BTD: variants seen among roughly 807,000 people sequenced by gnomAD.
BTD encodes the protein biotinidase, also known as biocytinase.
Under a neutral mutation model 17.7 loss-of-function variants are expected in BTD, and 13 were observed. That is an observed-to-expected ratio of 0.74 (90% CI 0.48 to 1.17). The LOEUF (loss-of-function observed/expected upper bound fraction) is 1.17, where lower values mean the gene tolerates loss of function less well. BTD is among the 50% of genes most tolerant of loss of function. The pLI is 0.00. For missense variants in BTD, 674 were observed against 650.4 expected, an observed-to-expected ratio of 1.04 and a Z score of -0.39; for synonymous variants, 240 against 245.2, an observed-to-expected ratio of 0.98 and a Z score of 0.20.
At position 15,644,505 on chromosome 3, in the gene BTD, T is replaced by G. The variant is rs1415995349; in HGVS notation, c.589T>G (p.Phe197Val). The G allele has an allele frequency of 6.2e-7, 1 of 1,614,190 alleles. No homozygotes were observed. The highest frequency in any genetic ancestry group is 1.3e-5 in the African/African-American group (1 of 75,038). Residue 197 changes from phenylalanine to valine, a missense_variant, in exon 4 of 4, where the codon TTT becomes GTT. Physicochemically the swap from Phe to Val is conservative, Grantham distance 50 (BLOSUM62 -1). Coordinates refer to ENST00000643237, the MANE Select transcript of BTD (RefSeq NM_001370658.1). ...VDRYRKHNLY[F>V]EAAFDVPLKV... The stretch of plus-strand genomic sequence containing the variant: ...CCGCTACCGTAAACACAACCTCTAC[T>G]TTGAGGCAGCATTCGATGTTCCTCT...
intron 3 of BTD, chr3:15,670,612 G>C: frequency 1.3e-6 from 2 of 1,529,786 alleles, no homozygotes; most frequent in Non-Finnish European, 1.8e-6. Flanking sequence ...TTTCACCAAA[G>C]ACAAGGAAAT....
intron 3 of BTD, among the ~76,000 whole-genome samples, chr3:15,695,391 A>G (rs2069386345): frequency 6.6e-6 from 1 of 152,116 alleles, no homozygotes; most frequent in Non-Finnish European, 1.5e-5. Flanking sequence ...ATCTATATAC[A>G]TAGGTCTAAA....
exon 4 of BTD, chr3:15,712,257 T>C (rs1431436181): frequency 6.7e-7 from 1 of 1,487,038 alleles, no homozygotes; most frequent in South Asian, 1.2e-5. Context: ...ATCTTCATTT[T>C]AACACAAGAA....
Position 15,645,119 on chromosome 3 carries a change from C to T in BTD, c.1203C>T (p.Gly401=), listed in dbSNP as rs2125504914. The T allele has an allele frequency of 6.2e-7, 1 of 1,614,166 alleles. No individual in the cohort carries two copies. Among genetic ancestry groups the T allele is most frequent in the Non-Finnish European group, 8.5e-7 (1 of 1,180,030 alleles). The change falls in exon 4 of 4, where the codon GGC becomes GGT. Residue 401 remains glycine (G), a synonymous_variant. Transcript: ENST00000643237. ...GCTATCTCCACGTCTGTTCCAATGG[C>T]CTCTGCTGTTATTTACTTTACGAGA... ...KEGYLHVCSN[G]LCCYLLYERP...
chr3:15,615,340 A>G (rs2064762029), intron 1 of BTD, among the ~76,000 whole-genome samples: 1 of 152,162 alleles, frequency 6.6e-6, no homozygotes, highest in Non-Finnish European at 1.5e-5. Flanking sequence ...CCAAGATGAG[A>G]TGTACAAGTT....
At chr3:15,702,920 T>C (rs2070824995) in intron 3 of BTD, among the ~76,000 whole-genome samples, 1 of 151,782 alleles carries the variant, frequency 6.6e-6, no homozygotes, top group Admixed American at 6.6e-5. Flanking sequence ...ACAATTCATA[T>C]ATACTAAACC....
chr3:15,695,136 A>C, intron 3 of BTD: 1 of 1,398,432 alleles, frequency 7.2e-7, no homozygotes, highest in South Asian at 1.2e-5. Context: ...CATAACTGGT[A>C]GGAGGGAACT....
chr3:15,643,977 T>A (rs372527256), intron 3 of BTD, among the ~76,000 whole-genome samples: 19,647 of 105,718 alleles, frequency 0.19, 1,453 homozygotes, highest in African/African-American at 0.31. Context: ...TTAATTTATT[T>A]ATTTATTTAT....
intron 3 of BTD, among the ~76,000 whole-genome samples, chr3:15,683,275 T>C (rs1050938426): frequency 2.0e-5 from 3 of 152,198 alleles, no homozygotes; most frequent in Non-Finnish European, 2.9e-5. Flanking sequence ...CAACTCACAA[T>C]TGTAGATATT....
At chr3:15,713,168 T>C (rs1251346631), downstream of BTD, among the ~76,000 whole-genome samples, 2 of 152,136 alleles carry the variant, frequency 1.3e-5, no homozygotes, top group Non-Finnish European at 2.9e-5. Flanking sequence ...AAAAGTATTA[T>C]CTACAGATAG....
At chr3:15,623,573 T>C (rs73150105) in intron 1 of BTD, among the ~76,000 whole-genome samples, 3,837 of 152,308 alleles carry the variant, frequency 0.025, 158 homozygotes, top group African/African-American at 0.084. Context: ...ATCTTATTTC[T>C]CTGCTTTTGA....
Position 15,646,773 on chromosome 3 carries a change from A to G in BTD, c.*1285A>G, listed in dbSNP as rs1041441462. On this transcript the variant is annotated 3_prime_UTR_variant, in exon 4 of 4. Coordinates refer to ENST00000643237, the MANE Select transcript of BTD (RefSeq NM_001370658.1). ...TATTTTAAACAGTATATGCTTAAACATCACACGATTTTATAAAGCAAGAAA... is the reference window on the plus strand; with the variant it reads ...TATTTTAAACAGTATATGCTTAAACGTCACACGATTTTATAAAGCAAGAAA... 1 of 152,224 alleles carries G rather than the reference A, an allele frequency of 6.6e-6. No individual in the cohort carries two copies. The highest frequency in any genetic ancestry group is 6.5e-5 in the Admixed American group (1 of 15,288). The allele number at this position is 152,224 out of a possible 1,614,324, so 9.4% of individuals were successfully genotyped here.
Position 15,647,457 on chromosome 3 carries a change from C to G in BTD, c.*1969C>G, listed in dbSNP as rs2065722491. 1 of 152,148 alleles carries G rather than the reference C, an allele frequency of 6.6e-6. No homozygotes were observed. The highest frequency in any genetic ancestry group is 1.5e-5 in the Non-Finnish European group (1 of 68,024). 9.4% of individuals were successfully genotyped at this position (152,148 alleles called of 1,614,324 possible). A position where few individuals can be genotyped will look rare whatever the true frequency, so the allele number is the denominator to read the frequency against. Reference sequence around the variant, plus strand: ...TCATTCTGCCCTTCTGGGCAGAGCACCACGAACTTTCCCTGAGTTATTTTC... The same window carrying G: ...TCATTCTGCCCTTCTGGGCAGAGCAGCACGAACTTTCCCTGAGTTATTTTC... On this transcript the variant is annotated 3_prime_UTR_variant, in exon 4 of 4. Transcript: ENST00000643237.
exon 5 of BTD, among the ~76,000 whole-genome samples, chr3:15,722,013 G>A (rs938497681): frequency 6.6e-6 from 1 of 152,144 alleles, no homozygotes; most frequent in African/African-American, 2.4e-5. Flanking sequence ...CCAAAGTGCT[G>A]CGATTACAGG....
chr3:15,718,935 T>C (rs1239525362), intron 4 of BTD, among the ~76,000 whole-genome samples: 1 of 152,202 alleles, frequency 6.6e-6, no homozygotes, highest in East Asian at 1.9e-4. Flanking sequence ...CTCACAACTG[T>C]CTAGATATTT....
intron 1 of BTD, chr3:15,632,695 G>C (rs745854092): frequency 1.3e-5 from 2 of 152,210 alleles, no homozygotes; most frequent in Non-Finnish European, 2.9e-5. Context: ...GTCGTCCCGT[G>C]CATAACCTCA....
chr3:15,660,822 C>G (rs2065914386), intron 3 of BTD, among the ~76,000 whole-genome samples: 1 of 152,138 alleles, frequency 6.6e-6, no homozygotes, highest in South Asian at 2.1e-4. Context: ...TTTTACTGCC[C>G]CCATAGTTTT....
At chr3:15,716,775 A>G (rs192580917), downstream of BTD, among the ~76,000 whole-genome samples, 116 of 152,336 alleles carry the variant, frequency 7.6e-4, no homozygotes, top group Middle Eastern at 3.4e-3. Context: ...ATTTATGTAT[A>G]CATAGCACGT....
chr3:15,695,871 A>G (rs1323577651), intron 3 of BTD, among the ~76,000 whole-genome samples: 1 of 152,110 alleles, frequency 6.6e-6, no homozygotes, highest in African/African-American at 2.4e-5. Flanking sequence ...ATTAATTTAA[A>G]GGGGCAGGAG....
Sources: allele counts gnomAD v4.1 joint callset (sites outside exome capture counted in the v4.1 genomes callset), GRCh38; gene constraint gnomAD v4.1.1; transcripts MANE v1.5; gene names NCBI Gene and HGNC (gene_info 2026-07-23, HGNC 2026-07-21).